The following LOC128125822 variants were observed in gnomAD, a reference collection of about 807,000 sequenced individuals.
the LOC128125822 span, chr6:63,582,152 G>T: frequency 6.6e-6 from 1 of 151,716 alleles, no homozygotes; most frequent in Non-Finnish European, 1.5e-5. Flanking sequence ...ATTTGTGATA[G>T]TAATCACAAA....
At chr6:63,579,760 A>G in the LOC128125822 span, among the ~76,000 whole-genome samples, 1 of 152,228 alleles carries the variant, frequency 6.6e-6, no homozygotes, top group Non-Finnish European at 1.5e-5. Context: ...CTGCTACCAG[A>G]GGCAACTTCT....
chr6:63,581,562 AATG>A, the LOC128125822 span: 1 of 152,242 alleles, frequency 6.6e-6, no homozygotes, highest in Non-Finnish European at 1.5e-5. Context: ...AAGGATTATA[AATG>A]ATGTCAGCAT....
At chr6:63,574,541 TA>T in the LOC128125822 span, among the ~76,000 whole-genome samples, 1 of 152,184 alleles carries the variant, frequency 6.6e-6, no homozygotes, top group Non-Finnish European at 1.5e-5. Flanking sequence ...AGGGAATTCT[TA>T]ATATAGTTCT....
chr6:63,579,877 T>C, the LOC128125822 span, among the ~76,000 whole-genome samples: 1 of 152,224 alleles, frequency 6.6e-6, no homozygotes, highest in Non-Finnish European at 1.5e-5. Flanking sequence ...GAAAATTAAC[T>C]TTTTATGATT....
the LOC128125822 span, chr6:63,579,232 T>A: frequency 3.2e-6 from 5 of 1,575,972 alleles, no homozygotes; most frequent in Non-Finnish European, 4.3e-6. Flanking sequence ...GAAAAAACTA[T>A]TTATCAAAAT....
the LOC128125822 span, chr6:63,579,235 A>C: frequency 6.3e-7 from 1 of 1,579,148 alleles, no homozygotes; most frequent in Non-Finnish European, 8.6e-7. Flanking sequence ...AAAACTATTT[A>C]TCAAAATTCT....
At chr6:63,574,594 T>G in the LOC128125822 span, among the ~76,000 whole-genome samples, 1 of 152,348 alleles carries the variant, frequency 6.6e-6, no homozygotes, top group East Asian at 1.9e-4. Context: ...CATGAAGGGA[T>G]ATGGCCAGAC....
the LOC128125822 span, chr6:63,583,091 T>C: frequency 6.6e-6 from 1 of 152,180 alleles, no homozygotes; most frequent in South Asian, 2.1e-4. Context: ...TGGTCACCAA[T>C]GAGTACCCGA....
chr6:63,580,208 T>C, the LOC128125822 span: 2 of 1,486,168 alleles, frequency 1.3e-6, no homozygotes, highest in African/African-American at 1.4e-5. Flanking sequence ...GAAGTGGAAC[T>C]TGAGATAGGG....
the LOC128125822 span, chr6:63,580,105 G>A: frequency 4.3e-6 from 7 of 1,613,078 alleles, no homozygotes; most frequent in Non-Finnish European, 5.9e-6. Context: ...ATTTGGAGAA[G>A]TATCGTCCTA....
At chr6:63,583,227 T>C in the LOC128125822 span, 10 of 152,190 alleles carry the variant, frequency 6.6e-5, no homozygotes, top group African/African-American at 2.4e-4. Flanking sequence ...AACAATGAAG[T>C]TATTTCAAAG....
At chr6:63,573,702 C>G in the LOC128125822 span, 1 of 152,234 alleles carries the variant, frequency 6.6e-6, no homozygotes, top group African/African-American at 2.4e-5. Context: ...ACCTCGGGCT[C>G]GTGATAATGG....
the LOC128125822 span, chr6:63,576,754 A>G: frequency 5.0e-4 from 357 of 718,272 alleles, 9 homozygotes; most frequent in South Asian, 6.3e-3. Context: ...TTACAACTTC[A>G]TACTCAAAGC....
At chr6:63,577,092 C>T in the LOC128125822 span, 1 of 778,472 alleles carries the variant, frequency 1.3e-6, no homozygotes, top group Non-Finnish European at 2.1e-6. Flanking sequence ...GATATACCTA[C>T]AATTCCAGTT....
At chr6:63,572,544 C>G in the LOC128125822 span, 1 of 396,916 alleles carries the variant, frequency 2.5e-6, no homozygotes, top group Non-Finnish European at 4.4e-6. Context: ...TGCTCCGAGC[C>G]GCTCACTGCA....
the LOC128125822 span, chr6:63,579,948 T>G: frequency 1.3e-6 from 1 of 767,802 alleles, no homozygotes; most frequent in Non-Finnish European, 2.2e-6. Flanking sequence ...ACAGCCTAAT[T>G]AATCAAAAGA....
chr6:63,578,833 T>G, the LOC128125822 span: 1 of 1,355,988 alleles, frequency 7.4e-7, no homozygotes, highest in Non-Finnish European at 9.8e-7. Context: ...ATGTTAGAAA[T>G]TTAGAATTAT....
the LOC128125822 span, chr6:63,577,081 T>C: frequency 2.3e-6 from 2 of 867,072 alleles, no homozygotes; most frequent in African/African-American, 1.7e-5. Flanking sequence ...AAAAATGAGA[T>C]GATATACCTA....
At chr6:63,580,335 T>TGTATTTGG in the LOC128125822 span, 1 of 609,200 alleles carries the variant, frequency 1.6e-6, no homozygotes, top group Admixed American at 2.7e-5. Context: ...TGGCAACCTC[T>TGTATTTGG]GTATTTGGGT....
Sources: gnomAD v4.1 joint callset for allele counts (sites outside exome capture counted in the v4.1 genomes callset) on GRCh38, gnomAD v4.1.1 for gene constraint, MANE v1.5 for transcripts.